Variants in DOP1A observed in about 807,000 individuals in gnomAD.
DOP1A encodes the protein DOP1 leucine zipper like protein A.
Under a neutral mutation model 267.6 loss-of-function variants are expected in DOP1A, and 90 were observed. The ratio of observed to expected loss-of-function variants is 0.34; its 90% confidence interval spans 0.28 to 0.40. The LOEUF (loss-of-function observed/expected upper bound fraction) is 0.40, where lower values mean the gene tolerates loss of function less well. Ranked by LOEUF, DOP1A falls within the 10% of genes least tolerant of loss-of-function variation. The pLI is 1.00. For missense variants in DOP1A, 2,437 were observed against 2,900.4 expected (o/e 0.84, Z 3.67); for synonymous variants, 932 against 999.1 (o/e 0.93, Z 1.27).
intron 35 of DOP1A, 125 bp downstream of exon 35, chr6:83,157,443 A>T (rs893160093): frequency 2.9e-6 from 3 of 1,020,072 alleles, no homozygotes; most frequent in African/African-American, 1.6e-5. Flanking sequence ...CCAGTTACTG[A>T]TGCTTTTTAC....
chr6:83,100,639 G>A (rs977792501), intron 3 of DOP1A, 66 bp from the exon 4 acceptor site: 1 of 1,159,508 alleles, frequency 8.6e-7, no homozygotes, highest in Non-Finnish European at 1.2e-6. Flanking sequence ...TACTATGCTA[G>A]AAAATGGAAG....
chr6:83,170,782 C>A, downstream of DOP1A: 1 of 221,920 alleles, frequency 4.5e-6, no homozygotes, highest in Non-Finnish European at 8.8e-6. Flanking sequence ...AAGTGGTAGC[C>A]CATTATATAA....
chr6:83,087,739 T>C (rs1769543632), intron 1 of DOP1A, among the ~76,000 whole-genome samples: 1 of 152,244 alleles, frequency 6.6e-6, no homozygotes, highest in African/African-American at 2.4e-5. Flanking sequence ...AGCACTTGAA[T>C]AGTTCCTGGT....
chr6:83,090,089 A>G (rs1400428297), intron 1 of DOP1A, among the ~76,000 whole-genome samples: 1 of 152,178 alleles, frequency 6.6e-6, no homozygotes, highest in Non-Finnish European at 1.5e-5. Flanking sequence ...TACCCCTCTT[A>G]ATTAACATAC....
rs1779364514 is a variant in DOP1A, at chr6:83,139,969, C to T, written c.5121-31C>T. The T allele has an allele frequency of 2.7e-6, 4 of 1,461,516 alleles. No individual in the cohort carries two copies. In the East Asian group the frequency reaches 6.8e-5, roughly 25 times the overall value. The allele number at this position is 1,461,516 out of a possible 1,614,324, so 90.5% of individuals were successfully genotyped here. ...AAATATGAACTATACTATCATAAAACTTGTGTTTAAATGAATGCATTTTAC... is the reference window on the plus strand; with the variant it reads ...AAATATGAACTATACTATCATAAAATTTGTGTTTAAATGAATGCATTTTAC... On this transcript the variant is annotated intron_variant, in intron 21 of 38. Transcript: ENST00000349129.
intron 30 of DOP1A, 32 bp from the exon 31 acceptor site, chr6:83,153,474 CCTCAT>C: frequency 7.2e-7 from 1 of 1,392,502 alleles, no homozygotes; most frequent in Non-Finnish European, 9.9e-7. Context: ...GTCAGTTTCA[CCTCAT>C]ATGTTACTCT....
chr6:83,150,688 G>A (rs930040537), intron 27 of DOP1A, among the ~76,000 whole-genome samples: 1 of 152,096 alleles, frequency 6.6e-6, no homozygotes, highest in Non-Finnish European at 1.5e-5. Context: ...ATGTCAGAGT[G>A]AATATTGAGT....
intron 10 of DOP1A, among the ~76,000 whole-genome samples, chr6:83,121,663 T>A (rs1280930931): frequency 6.6e-6 from 1 of 151,768 alleles, no homozygotes; most frequent in Non-Finnish European, 1.5e-5. Flanking sequence ...AAATAACTTG[T>A]CTAATGTAAC....
intron 32 of DOP1A, 22 bp from the exon 33 acceptor site, chr6:83,154,158 T>A: frequency 6.2e-7 from 1 of 1,613,002 alleles, no homozygotes; most frequent in Non-Finnish European, 8.5e-7. Flanking sequence ...TAATTACATG[T>A]TGTAATCCTT....
chr6:83,145,722 T>C (rs898381136), intron 25 of DOP1A, 64 bp downstream of exon 25: 12 of 1,541,784 alleles, frequency 7.8e-6, no homozygotes, highest in Non-Finnish European at 1.1e-5. Context: ...CTGGTAAGAT[T>C]TTTTTTTGTA....
Position 83,110,285 on chromosome 6 carries a change from T to C in DOP1A, c.652T>C (p.Tyr218His). ...NRKLSMEDQL[Y>H]IIGSDIELMV... ...GAAGCTTTCTATGGAAGATCAACTT[T>C]ATATAATTGGCAGTGATATTGAGCT... is the stretch of plus-strand genomic sequence containing the variant. Residue 218 changes from tyrosine to histidine, a missense_variant, in exon 6 of 39, where the codon TAT (tyrosine) becomes CAT (histidine). By Grantham distance (83) the Tyr-to-His change is moderately conservative (BLOSUM62 2). Coordinates refer to ENST00000349129, the MANE Select transcript of DOP1A (RefSeq NM_015018.4). The C allele has an allele frequency of 6.2e-7, 1 of 1,613,500 alleles. No homozygotes were observed. The highest frequency in any genetic ancestry group is 8.5e-7 in the Non-Finnish European group (1 of 1,179,838).
At chr6:83,124,947 C>G in intron 13 of DOP1A, 128 bp downstream of exon 13, 1 of 914,818 alleles carries the variant, frequency 1.1e-6, no homozygotes, top group Non-Finnish European at 1.6e-6. Context: ...CTTTGGTAAG[C>G]TTTTTTCATA....
At chr6:83,164,673 A>C in intron 38 of DOP1A, 1 of 1,582,594 alleles carries the variant, frequency 6.3e-7, no homozygotes, top group Non-Finnish European at 8.6e-7. Flanking sequence ...AAGGAGGAGG[A>C]CTTTAAGACA....
downstream of DOP1A, chr6:83,168,993 T>G (rs1464310425): frequency 7.7e-7 from 1 of 1,296,622 alleles, no homozygotes; most frequent in Non-Finnish European, 9.8e-7. Context: ...ATTGTATACT[T>G]AAGTCCCAGT....
Position 83,130,320 on chromosome 6 carries a change from A to C in DOP1A, c.2539A>C (p.Arg847=). 1 of 1,614,120 alleles carries C rather than the reference A, an allele frequency of 6.2e-7. No individual in the cohort carries two copies. Among genetic ancestry groups the C allele is most frequent in the African/African-American group, 1.3e-5 (1 of 75,046 alleles). Residue 847 remains arginine, a synonymous_variant, in exon 17 of 39, where the codon AGA becomes CGA. Coordinates refer to ENST00000349129, the MANE Select transcript of DOP1A (RefSeq NM_015018.4). The part of the protein sequence containing the change: ...PAQPLSPNQG[R]VAVVIRPPLT... Reference sequence around the variant, plus strand: ...ACAACCCTTAAGTCCAAACCAGGGAAGAGTAGCTGTGGTTATTAGACCTCC... The same window carrying C: ...ACAACCCTTAAGTCCAAACCAGGGACGAGTAGCTGTGGTTATTAGACCTCC...
chr6:83,082,999 G>T (rs879554487), intron 1 of DOP1A, among the ~76,000 whole-genome samples: 19 of 151,956 alleles, frequency 1.3e-4, no homozygotes, highest in Non-Finnish European at 2.1e-4. Flanking sequence ...TTAGAGATGG[G>T]ATTTCACCAT....
intron 1 of DOP1A, among the ~76,000 whole-genome samples, chr6:83,088,404 A>G (rs899886204): frequency 6.6e-6 from 1 of 150,818 alleles, no homozygotes; most frequent in Non-Finnish European, 1.5e-5. Flanking sequence ...ATACCTAGTA[A>G]GTGTTGTCTT....
chr6:83,169,415 AG>A, downstream of DOP1A: 2 of 1,434,564 alleles, frequency 1.4e-6, no homozygotes, highest in Non-Finnish European at 1.9e-6. Context: ...TGGGGAAGAG[AG>A]GGGTGATTCT....
intron 4 of DOP1A, among the ~76,000 whole-genome samples, chr6:83,102,101 T>C (rs752691240): frequency 1.8e-4 from 28 of 152,168 alleles, no homozygotes; most frequent in Non-Finnish European, 2.9e-4. Context: ...GCCATATAGA[T>C]CTTTAAAGGC....
Sources: allele counts gnomAD v4.1 joint callset (sites outside exome capture counted in the v4.1 genomes callset), GRCh38; gene constraint gnomAD v4.1.1; transcripts MANE v1.5; gene names NCBI Gene and HGNC (gene_info 2026-07-23, HGNC 2026-07-21).